Variants in TBC1D5 observed in about 807,000 individuals in gnomAD.
TBC1D5 encodes TBC1 domain family member 5, also known as TBC1 domain family, member 5.
TBC1D5 carries 75 observed loss-of-function variants against 100.3 expected under a neutral mutation model. The observed-to-expected ratio is 0.75, with a 90% confidence interval of 0.62 to 0.91. The LOEUF (loss-of-function observed/expected upper bound fraction) is 0.91, where lower values mean the gene tolerates loss of function less well. Among genes scored for constraint, TBC1D5 ranks in the 40% least tolerant of loss-of-function variants. The pLI is 0.00. For missense variants in TBC1D5, 910 were observed against 942.4 expected (o/e 0.97, Z 0.45); for synonymous variants, 323 against 325.6 (o/e 0.99, Z 0.09).
intron 1 of TBC1D5, chr3:17,705,980 ACT>A (rs1453514949): frequency 4.4e-6 from 6 of 1,358,806 alleles, no homozygotes; most frequent in African/African-American, 1.6e-5. Context: ...GCATTTCTTT[ACT>A]CTTTTTTTTT....
chr3:17,659,728 T>C (rs2066464930), intron 1 of TBC1D5, among the ~76,000 whole-genome samples: 1 of 152,114 alleles, frequency 6.6e-6, no homozygotes, highest in African/African-American at 2.4e-5. Context: ...AAACTTACAT[T>C]TGCTCCAATA....
intron 4 of TBC1D5, among the ~76,000 whole-genome samples, chr3:17,418,414 C>T (rs2094134862): frequency 6.6e-6 from 1 of 151,938 alleles, no homozygotes; most frequent in Non-Finnish European, 1.5e-5. Flanking sequence ...TCAAGACCAG[C>T]CTGGCCAACA....
At chr3:17,503,770 T>A (rs1424151882) in intron 3 of TBC1D5, among the ~76,000 whole-genome samples, 1 of 149,792 alleles carries the variant, frequency 6.7e-6, no homozygotes, top group Non-Finnish European at 1.5e-5. Flanking sequence ...TGCTCCCAAA[T>A]TATGGCCACA....
chr3:17,653,667 C>G (rs148647167), intron 1 of TBC1D5, among the ~76,000 whole-genome samples: 7 of 152,170 alleles, frequency 4.6e-5, no homozygotes, highest in Non-Finnish European at 8.8e-5. Flanking sequence ...GAAATATGAA[C>G]AAAATCTGTA....
In TBC1D5 at chr3:17,461,307, T is replaced by C. The variant is rs144326714; in HGVS notation, c.98-32788A>G. On this transcript the variant is annotated intron_variant, in intron 3 of 21. Transcript: ENST00000253692. ...CACCTCTGGTTGGAAGTCTCCTTTCTGTACACTTCCAACAAGTTTTGTTAA... is the reference window on the plus strand; with the variant it reads ...CACCTCTGGTTGGAAGTCTCCTTTCCGTACACTTCCAACAAGTTTTGTTAA... Among the ~76,000 whole-genome samples the C allele has an allele frequency of 3.2e-3, 495 of 152,358 alleles. 3 individuals are homozygous for C. The highest frequency in any genetic ancestry group is 9.9e-3 in the African/African-American group (413 of 41,590).
chr3:17,166,595 C>A (rs2066624775), intron 21 of TBC1D5, among the ~76,000 whole-genome samples, 172 bp downstream of exon 22: 1 of 152,236 alleles, frequency 6.6e-6, no homozygotes, highest in Non-Finnish European at 1.5e-5. Flanking sequence ...TGAATGGCAC[C>A]CCCTGCAGCA....
chr3:17,394,117 G>C (rs1193616162), intron 8 of TBC1D5, among the ~76,000 whole-genome samples: 1 of 151,878 alleles, frequency 6.6e-6, no homozygotes, highest in Non-Finnish European at 1.5e-5. Context: ...ACAAAGAATT[G>C]GTCCAAAATG....
At position 17,236,835 on chromosome 3, in the gene TBC1D5, T is replaced by C. The variant is rs565880847; in HGVS notation, c.1588+1328A>G. Reference sequence around the variant, plus strand: ...CACAAAAATTTAAATATGAATTATATAAAATCTAGTATTTTACATAGGCAA... The same window carrying C: ...CACAAAAATTTAAATATGAATTATACAAAATCTAGTATTTTACATAGGCAA... On this transcript the variant is annotated intron_variant, in intron 17 of 21. Coordinates refer to ENST00000253692, the Ensembl canonical transcript of TBC1D5. 3.9e-5 allele frequency among the ~76,000 whole-genome samples: 6 copies of C among 152,318 alleles called. No individual in the cohort carries two copies. In the South Asian group the frequency reaches 1.2e-3, roughly 32 times the overall value.
chr3:17,578,395 G>A (rs1387836025), intron 2 of TBC1D5, among the ~76,000 whole-genome samples: 1 of 151,902 alleles, frequency 6.6e-6, no homozygotes, highest in Non-Finnish European at 1.5e-5. Flanking sequence ...AAAAAATACA[G>A]GTTTAGATTT....
intron 1 of TBC1D5, among the ~76,000 whole-genome samples, chr3:17,681,870 T>C (rs1404460163): frequency 6.6e-6 from 1 of 151,554 alleles, no homozygotes; most frequent in African/African-American, 2.4e-5. Flanking sequence ...GTCGCATGAC[T>C]TACCTGAGCT....
At chr3:17,525,334 T>C (rs2153350148) in intron 2 of TBC1D5, among the ~76,000 whole-genome samples, 1 of 152,320 alleles carries the variant, frequency 6.6e-6, no homozygotes, top group East Asian at 1.9e-4. Flanking sequence ...TTTCCCCATG[T>C]TGGCCAGCCT....
At chr3:17,183,381 A>G (rs1172972176) in intron 19 of TBC1D5, among the ~76,000 whole-genome samples, 1 of 152,050 alleles carries the variant, frequency 6.6e-6, no homozygotes, top group African/African-American at 2.4e-5. Context: ...TATACCAGCC[A>G]GAACTCACTC....
At chr3:17,447,080 G>T (rs1376641435) in intron 3 of TBC1D5, among the ~76,000 whole-genome samples, 11 of 152,044 alleles carry the variant, frequency 7.2e-5, no homozygotes, top group Non-Finnish European at 1.2e-4. Context: ...CAAGAATTTA[G>T]GATGTTACTG....
At chr3:17,259,432 A>G (rs1559504871) in intron 15 of TBC1D5, among the ~76,000 whole-genome samples, 1 of 152,232 alleles carries the variant, frequency 6.6e-6, no homozygotes. Flanking sequence ...TCATGTTTAC[A>G]GCATAATTTA....
chr3:17,251,434 C>CCA (rs1553635339), intron 16 of TBC1D5, among the ~76,000 whole-genome samples: 1 of 145,326 alleles, frequency 6.9e-6, no homozygotes, highest in Non-Finnish European at 1.5e-5. Context: ...AACCCCCCCC[C>CCA]CCCCAGTAGA....
chr3:17,563,849 C>T (rs1012245410), intron 2 of TBC1D5, among the ~76,000 whole-genome samples: 2 of 152,170 alleles, frequency 1.3e-5, no homozygotes, highest in African/African-American at 2.4e-5. Context: ...GTGGCTTGAT[C>T]TCAGCTCTCT....
At chr3:17,677,834 A>T (rs1363529468) in intron 1 of TBC1D5, among the ~76,000 whole-genome samples, 3 of 152,366 alleles carry the variant, frequency 2.0e-5, no homozygotes, top group African/African-American at 7.2e-5. Flanking sequence ...TGATGAGTTC[A>T]TGTCCTTTGT....
intron 3 of TBC1D5, among the ~76,000 whole-genome samples, chr3:17,487,649 T>C (rs991485664): frequency 5.5e-4 from 83 of 152,178 alleles, no homozygotes; most frequent in African/African-American, 1.9e-3. Context: ...TTCTAATAAT[T>C]TGTAATTTCA....
chr3:17,380,039 CTG>C (rs1442340088), intron 9 of TBC1D5, among the ~76,000 whole-genome samples: 66 of 100,132 alleles, frequency 6.6e-4, no homozygotes, highest in Non-Finnish European at 1.3e-3. Context: ...ACAGCTGTGA[CTG>C]TGTATGTGTG....
Sources: gnomAD v4.1 joint callset for allele counts (sites outside exome capture counted in the v4.1 genomes callset) on GRCh38, gnomAD v4.1.1 for gene constraint, MANE v1.5 for transcripts, NCBI Gene and HGNC (gene_info 2026-07-23, HGNC 2026-07-21) for gene names.